Variants in KDM4B observed in about 807,000 individuals in gnomAD.
KDM4B encodes the protein lysine-specific demethylase 4B.
KDM4B carries 32 observed loss-of-function variants against 125.2 expected under a neutral mutation model. The observed-to-expected ratio is 0.26, with a 90% CI of 0.19 to 0.34. KDM4B has a LOEUF of 0.34. KDM4B is among the 10% of genes least tolerant of loss of function. The pLI is 1.00. For synonymous variants in KDM4B, 721 were observed against 677.9 expected, an observed-to-expected ratio of 1.06 and a Z score of -0.99; for missense variants, 1,190 against 1,577.7, an observed-to-expected ratio of 0.75 and a Z score of 4.16.
intron 1 of KDM4B, among the ~76,000 whole-genome samples, chr19:5,004,657 G>C (rs150038992): frequency 6.6e-6 from 1 of 152,166 alleles, no homozygotes; most frequent in Non-Finnish European, 1.5e-5. Flanking sequence ...GATGCACCAC[G>C]GCTCTGTGCT....
rs540542512 is a variant in KDM4B, at chr19:5,042,689, G to C, written c.432+1438G>C. On this transcript the variant is annotated intron_variant, in intron 5 of 22. Coordinates refer to ENST00000159111, the MANE Select transcript of KDM4B (RefSeq NM_015015.3). Reference sequence around the variant, plus strand: ...CACAGCAGGAGAGAGTGAGGGGGGGGGCGCCGTAGGCTTTTCAACAGCCAG... The same window carrying C: ...CACAGCAGGAGAGAGTGAGGGGGGGCGCGCCGTAGGCTTTTCAACAGCCAG... Among the ~76,000 whole-genome samples, 519 of 151,526 alleles carry C rather than the reference G, an allele frequency of 3.4e-3. 1 individual carries two copies. Among genetic ancestry groups the C allele is most frequent in the South Asian group, 4.8e-3 (23 of 4,748 alleles).
At chr19:5,128,860 C>CCG (rs1456680108) in intron 11 of KDM4B, among the ~76,000 whole-genome samples, 19 of 70,390 alleles carry the variant, frequency 2.7e-4, no homozygotes, top group African/African-American at 1.0e-3. Flanking sequence ...AGGCGGGGGG[C>CCG]GGGGGGGGGG....
chr19:5,113,010 G>A, intron 10 of KDM4B: 1 of 152,460 alleles, frequency 6.6e-6, no homozygotes, highest in Non-Finnish European at 1.5e-5. Context: ...TCCAGGAGTG[G>A]AATGGGACTA....
At chr19:5,111,693 G>C in intron 10 of KDM4B, 1 of 745,314 alleles carries the variant, frequency 1.3e-6, no homozygotes, top group South Asian at 1.4e-5. Flanking sequence ...CTGGAGCCGG[G>C]AGGGACGGCA....
At chr19:5,028,607 C>T (rs2036354779) in intron 2 of KDM4B, among the ~76,000 whole-genome samples, 1 of 152,164 alleles carries the variant, frequency 6.6e-6, no homozygotes, top group African/African-American at 2.4e-5. Flanking sequence ...AGTGGAATTG[C>T]TGGGTCAAGT....
At position 4,971,616 on chromosome 19, in the gene KDM4B, G is replaced by A. The variant is rs1178321860; in HGVS notation, c.-109+2386G>A. On this transcript the variant is annotated intron_variant, in intron 1 of 22. Transcript: ENST00000159111. The surrounding 1 kb of genome is among the most constrained non-coding windows in gnomAD (Gnocchi z 4.1). ...CCGAGTGCCATGCCGGGACAGGTTGGGAGGAGTCCCTGGCTCCTGTGGGTT... is the reference window on the plus strand; with the variant it reads ...CCGAGTGCCATGCCGGGACAGGTTGAGAGGAGTCCCTGGCTCCTGTGGGTT... Among the ~76,000 whole-genome samples the A allele has an allele frequency of 6.6e-6, 1 of 152,154 alleles. No individual in the cohort carries two copies. The highest frequency in any genetic ancestry group is 2.4e-5 in the African/African-American group (1 of 41,434).
chr19:5,147,052 C>T (rs543897742), intron 21 of KDM4B, among the ~76,000 whole-genome samples: 1 of 152,032 alleles, frequency 6.6e-6, no homozygotes, highest in African/African-American at 2.4e-5. Context: ...CTCCGCCTGC[C>T]CCGGGAGCCT....
At chr19:5,131,642 AGGG>A (rs200591721) in intron 12 of KDM4B, 97 bp downstream of exon 12, 3,428 of 106,880 alleles carry the variant, frequency 0.032, 126 homozygotes, top group African/African-American at 0.32. Flanking sequence ...GTGGCGGGGG[AGGG>A]GGCAGGGAGG....
In KDM4B at chr19:5,137,960, A is replaced by T; in HGVS notation, c.2442-2A>T. On this transcript the variant is annotated splice_acceptor_variant, in intron 17 of 22. Coordinates refer to ENST00000159111, the MANE Select transcript of KDM4B (RefSeq NM_015015.3). LOFTEE classifies it high-confidence loss of function. Reference sequence around the variant, plus strand: ...CTGACCCCGCTGCACCTGCCCTCCCAGGTGGATCCACGTGATCTGTGCCAT... The same window carrying T: ...CTGACCCCGCTGCACCTGCCCTCCCTGGTGGATCCACGTGATCTGTGCCAT... 1 of 1,611,274 alleles carries T rather than the reference A, an allele frequency of 6.2e-7. No homozygotes were observed. Among genetic ancestry groups the T allele is most frequent in the Non-Finnish European group, 8.5e-7 (1 of 1,179,274 alleles).
intron 2 of KDM4B, among the ~76,000 whole-genome samples, chr19:5,025,342 G>A (rs988434773): frequency 6.6e-6 from 1 of 152,232 alleles, no homozygotes; most frequent in African/African-American, 2.4e-5. Flanking sequence ...TCTGTGGACC[G>A]TATGTGAAAT....
chr19:5,120,082 CG>C (rs1297203824), intron 11 of KDM4B, among the ~76,000 whole-genome samples: 1 of 152,198 alleles, frequency 6.6e-6, no homozygotes, highest in Non-Finnish European at 1.5e-5. Context: ...AGAGGCCAGG[CG>C]CAGTGGCTCC....
intron 11 of KDM4B, among the ~76,000 whole-genome samples, chr19:5,129,472 T>G (rs1213489130): frequency 6.6e-6 from 1 of 152,222 alleles, no homozygotes; most frequent in Non-Finnish European, 1.5e-5. Context: ...TGGTGAGATG[T>G]GGGCGCTGTG....
chr19:5,059,578 A>G (rs2037518640), intron 6 of KDM4B, among the ~76,000 whole-genome samples: 1 of 152,130 alleles, frequency 6.6e-6, no homozygotes, highest in African/African-American at 2.4e-5. Flanking sequence ...AGGTCATAGG[A>G]ACAGGAGCGC....
At chr19:5,087,602 C>T (rs2038547557) in intron 9 of KDM4B, among the ~76,000 whole-genome samples, 1 of 152,290 alleles carries the variant, frequency 6.6e-6, no homozygotes. Context: ...ATTTTTGACT[C>T]CCCTGCTGGT....
intron 1 of KDM4B, among the ~76,000 whole-genome samples, chr19:4,970,043 C>T (rs900885130): frequency 2.0e-5 from 3 of 152,216 alleles, no homozygotes; most frequent in Admixed American, 6.5e-5. Context: ...TTCTGTGTCC[C>T]CCGTGGACAT....
chr19:5,037,864 G>A (rs1410921634), intron 3 of KDM4B, among the ~76,000 whole-genome samples: 3 of 152,248 alleles, frequency 2.0e-5, no homozygotes, highest in Admixed American at 2.0e-4. Context: ...TGCTGTTACT[G>A]CTTTTGCTAA....
intron 11 of KDM4B, among the ~76,000 whole-genome samples, chr19:5,122,505 A>T (rs547485727): frequency 6.6e-6 from 1 of 152,356 alleles, no homozygotes; most frequent in African/African-American, 2.4e-5. Flanking sequence ...CAAACTGGAA[A>T]CACAAAGCAG....
At position 5,035,772 on chromosome 19, in the gene KDM4B, A is replaced by G. The variant is rs1393471355; in HGVS notation, c.141+2741A>G. 6.6e-6 allele frequency among the ~76,000 whole-genome samples: 1 copy of G among 152,072 alleles called. No individual in the cohort carries two copies. Among genetic ancestry groups the G allele is most frequent in the Non-Finnish European group, 1.5e-5 (1 of 68,006 alleles). On this transcript the variant is annotated intron_variant, in intron 3 of 22. Coordinates refer to ENST00000159111, the MANE Select transcript of KDM4B (RefSeq NM_015015.3). This position sits in a 1 kb window ranked among gnomAD's most constrained non-coding sequence, Gnocchi z 5.3. The stretch of plus-strand genomic sequence containing the variant: ...ATGCTGCTTCTCCTTGCACCAGTGC[A>G]GAGAATCCTTTCTCAAACCCGTGGA...
At chr19:5,076,687 T>C (rs1247296630) in intron 7 of KDM4B, 3 of 155,772 alleles carry the variant, frequency 1.9e-5, no homozygotes, top group South Asian at 1.5e-4. Context: ...ACTGCGTCCT[T>C]TCCCCAGGGT....
Sources: gnomAD v4.1 joint callset for allele counts (sites outside exome capture counted in the v4.1 genomes callset) on GRCh38, gnomAD v4.1.1 for gene constraint, Gnocchi (gnomAD v3.1) non-coding constraint, MANE v1.5 for transcripts, NCBI Gene and HGNC (gene_info 2026-07-23, HGNC 2026-07-21) for gene names.